The following TUBE1 variants were observed in gnomAD, a reference collection of about 807,000 sequenced individuals.
The protein encoded by TUBE1 is tubulin epsilon chain.
A neutral mutation model predicts 53.5 loss-of-function variants in TUBE1; 34 were observed. That is an observed-to-expected ratio of 0.64 (90% CI 0.48 to 0.85). The LOEUF is 0.85. TUBE1 is among the 40% of genes least tolerant of loss of function. The pLI is 0.00. For synonymous variants in TUBE1, 177 were observed against 198.4 expected, an observed-to-expected ratio of 0.89 and a Z score of 0.91; for missense variants, 532 against 570.5, an observed-to-expected ratio of 0.93 and a Z score of 0.69.
At chr6:112,085,475 A>G (rs1278449332) in intron 3 of TUBE1, 1 of 335,942 alleles carries the variant, frequency 3.0e-6, no homozygotes, top group Non-Finnish European at 5.9e-6. Context: ...AGCGTTGGGT[A>G]ACAAGAAGTA....
chr6:112,082,937 G>C (rs1777093375), intron 4 of TUBE1, among the ~76,000 whole-genome samples: 1 of 152,096 alleles, frequency 6.6e-6, no homozygotes, highest in African/African-American at 2.4e-5. Context: ...AAATGGAAGA[G>C]TACCTTCTCG....
rs1562601683 is a variant in TUBE1 at position 112,072,084 on chromosome 6, T to A, written c.1095-8A>T. 3 of 1,302,778 alleles carry A rather than the reference T, an allele frequency of 2.3e-6. No individual in the cohort carries two copies. Among genetic ancestry groups the A allele is most frequent in the Admixed American group, 2.5e-5 (1 of 40,216 alleles). 80.7% of individuals were successfully genotyped at this position (1,302,778 alleles called of 1,614,324 possible). A position where few individuals can be genotyped will look rare whatever the true frequency, so the allele number is the denominator to read the frequency against. On this transcript the variant is annotated splice_polypyrimidine_tract_variant and splice_region_variant and intron_variant, in intron 10 of 11. Coordinates refer to ENST00000368662, the MANE Select transcript of TUBE1 (RefSeq NM_016262.5). Reference sequence around the variant, plus strand: ...TGTAGAGATGGTTTTAATCTGAGATTAAAAAAAAAAATCTCAGAAGGTGAG... The same window carrying A: ...TGTAGAGATGGTTTTAATCTGAGATAAAAAAAAAAAATCTCAGAAGGTGAG...
chr6:112,079,468 C>A (rs1178545229), intron 6 of TUBE1, 165 bp downstream of exon 6: 8 of 502,514 alleles, frequency 1.6e-5, no homozygotes, highest in South Asian at 1.6e-4. Flanking sequence ...CATAATTCCA[C>A]AAAATTTTAA....
rs782541513 is a variant in TUBE1, at chr6:112,071,537, T to C, written c.1303A>G (p.Met435Val). ...HLHHYLQVEG[M>V]EESCFTEAVS... ...GCTTCTGTGAAACAGCTTTCTTCCA[T>C]CCCTTCAACTTGTAGATAGTGATGA... Residue 435 changes from methionine to valine, a missense_variant, in exon 12 of 12, where the codon ATG becomes GTG. Met to Val is a conservative substitution (Grantham distance 21). Transcript: ENST00000368662. The C allele has an allele frequency of 1.9e-6, 3 of 1,611,788 alleles. No individual in the cohort carries two copies. In the South Asian group the frequency reaches 3.3e-5, roughly 18 times the overall value.
intron 5 of TUBE1, among the ~76,000 whole-genome samples, chr6:112,080,378 AC>A (rs1777051367): frequency 6.6e-6 from 1 of 152,114 alleles, no homozygotes; most frequent in Non-Finnish European, 1.5e-5. Flanking sequence ...CTCAAAAGTT[AC>A]ATAATAAGTT....
Position 112,076,518 on chromosome 6 carries a change from T to C in TUBE1, c.449-9A>G. The stretch of plus-strand genomic sequence containing the variant: ...AAGTCCAGATCCTGTTCCTGAGGAT[T>C]AAAGTGTTTTTAAAAATTAGCATAA... On this transcript the variant is annotated splice_polypyrimidine_tract_variant and intron_variant, in intron 6 of 11. Coordinates refer to ENST00000368662, the MANE Select transcript of TUBE1 (RefSeq NM_016262.5). 6.4e-7 allele frequency: 1 copy of C among 1,564,480 alleles called. No individual in the cohort carries two copies. Among genetic ancestry groups the C allele is most frequent in the Non-Finnish European group, 8.6e-7 (1 of 1,158,234 alleles).
chr6:112,085,136 T>C (rs1296017316), intron 3 of TUBE1, among the ~76,000 whole-genome samples: 1 of 152,204 alleles, frequency 6.6e-6, no homozygotes. Context: ...ACAGAAAATA[T>C]ATGCATGCCA....
chr6:112,079,421 TA>T (rs60207053), intron 6 of TUBE1: 43,121 of 306,748 alleles, frequency 0.14, 105 homozygotes, highest in East Asian at 0.2. Context: ...GGGCTTACAT[TA>T]AAAAAAAAAA....
intron 9 of TUBE1, 74 bp from the exon 10 acceptor site, chr6:112,072,972 T>C (rs1323860748): frequency 5.5e-6 from 8 of 1,451,636 alleles, no homozygotes; most frequent in Non-Finnish European, 7.5e-6. Flanking sequence ...ATGAAGATAG[T>C]CCTCTATAAG....
At chr6:112,086,225 C>G (rs974763422) in intron 3 of TUBE1, among the ~76,000 whole-genome samples, 1 of 152,142 alleles carries the variant, frequency 6.6e-6, no homozygotes, top group South Asian at 2.1e-4. Context: ...TTTATACTTA[C>G]AGCATATATG....
At chr6:112,086,890 C>G (rs1351475889) in intron 2 of TUBE1, 7 of 488,252 alleles carry the variant, frequency 1.4e-5, no homozygotes, top group African/African-American at 1.4e-4. Context: ...TCTTCGTAAT[C>G]TTTTTAAAAG....
chr6:112,086,219 T>C (rs1405989112), intron 3 of TUBE1, among the ~76,000 whole-genome samples: 1 of 152,244 alleles, frequency 6.6e-6, no homozygotes, highest in African/African-American at 2.4e-5. Flanking sequence ...TATATTTTTA[T>C]ACTTACAGCA....
rs1448829605 is a variant in TUBE1, at chr6:112,087,481, C to T, written c.-47G>A. Reference sequence around the variant, plus strand: ...GGAGCTTGCTAGCCCGCGGCCGCTTCTGCATTCCCCCAGCAACGGCGCTCT... The same window carrying T: ...GGAGCTTGCTAGCCCGCGGCCGCTTTTGCATTCCCCCAGCAACGGCGCTCT... On this transcript the variant is annotated 5_prime_UTR_variant, in exon 1 of 12. Coordinates refer to ENST00000368662, the MANE Select transcript of TUBE1 (RefSeq NM_016262.5). 5 of 1,545,714 alleles carry T rather than the reference C, an allele frequency of 3.2e-6. No homozygotes were observed. Among genetic ancestry groups the T allele is most frequent in the Non-Finnish European group, 4.4e-6 (5 of 1,144,448 alleles).
chr6:112,082,009 T>C (rs1393460099), intron 4 of TUBE1, among the ~76,000 whole-genome samples: 1 of 151,996 alleles, frequency 6.6e-6, no homozygotes, highest in Non-Finnish European at 1.5e-5. Context: ...CACTAAACAA[T>C]GATTTGTTAA....
chr6:112,074,850 G>A lies in TUBE1; in HGVS notation c.813C>T (p.Ser271=), dbSNP rs1554315806. The part of the protein sequence containing the change: ...IVANLLLNLT[S]SARFEGSLNM... Reference sequence around the variant, plus strand: ...TAAGGGACCCTTCAAATCTTGCAGAGCTAAAAAGTTAACATTAAAATGAGA... The same window carrying A: ...TAAGGGACCCTTCAAATCTTGCAGAACTAAAAAGTTAACATTAAAATGAGA... The change falls in exon 9 of 12, where the codon AGC becomes AGT. Residue 271 remains serine, a splice_region_variant and synonymous_variant. Coordinates refer to ENST00000368662, the MANE Select transcript of TUBE1 (RefSeq NM_016262.5). 6.4e-7 allele frequency: 1 copy of A among 1,564,416 alleles called. No individual in the cohort carries two copies. The highest frequency in any genetic ancestry group is 2.1e-5 in the Admixed American group (1 of 48,162).
chr6:112,085,826 A>T (rs1777144081), intron 3 of TUBE1: 2 of 394,834 alleles, frequency 5.1e-6, no homozygotes, highest in South Asian at 3.8e-5. Context: ...CACTGAACCC[A>T]TCTCGAGATG....
rs781833721 is a variant in TUBE1 at position 112,075,064 on chromosome 6, C to CTTTTTTTTTTTTT, written c.813-215_813-214insAAAAAAAAAAAAA. On this transcript the variant is annotated intron_variant, in intron 8 of 11. Coordinates refer to ENST00000368662, the MANE Select transcript of TUBE1 (RefSeq NM_016262.5). ...CACACAACATCTACATTTTTTTTTT[C>CTTTTTTTTTTTTT]TTTCTTTTTTTTTTTTTTTTGAGAC... 24 of 164,814 alleles carry CTTTTTTTTTTTTT rather than the reference C, an allele frequency of 1.5e-4. 3 individuals are homozygous for CTTTTTTTTTTTTT. The highest frequency in any genetic ancestry group is 4.0e-4 in the Admixed American group (5 of 12,644). 10.2% of individuals were successfully genotyped at this position (164,814 alleles called of 1,614,324 possible).
Position 112,081,212 on chromosome 6 carries a change from G to A in TUBE1, c.211-5C>T. 6.7e-7 allele frequency: 1 copy of A among 1,489,462 alleles called. No individual in the cohort carries two copies. Among genetic ancestry groups the A allele is most frequent in the Non-Finnish European group, 9.2e-7 (1 of 1,082,878 alleles). The allele number at this position is 1,489,462 out of a possible 1,614,324, so 92.3% of individuals were successfully genotyped here. ...TTCCATATCAATCAAGACTGCCTGA[G>A]AAAGAAAAATAAAATATAATTAATG... On this transcript the variant is annotated splice_polypyrimidine_tract_variant and splice_region_variant and intron_variant, in intron 4 of 11. Coordinates refer to ENST00000368662, the MANE Select transcript of TUBE1 (RefSeq NM_016262.5).
At position 112,071,310 on chromosome 6, in the gene TUBE1, A is replaced by C. The variant is rs587755111; in HGVS notation, c.*102T>G. On this transcript the variant is annotated 3_prime_UTR_variant, in exon 12 of 12. Transcript: ENST00000368662. ...CTCTTTTAGACAAAAATATTTCCCG[A>C]TAATATGAAAAAACTGGAGTTTCCA... The C allele has an allele frequency of 3.5e-6, 4 of 1,158,332 alleles. No individual in the cohort carries two copies. The South Asian group carries it at 1.1e-4, about 31-fold the overall frequency. 71.8% of individuals were successfully genotyped at this position (1,158,332 alleles called of 1,614,324 possible). A position where few individuals can be genotyped will look rare whatever the true frequency, so the allele number is the denominator to read the frequency against.
Sources: gnomAD v4.1 joint callset for allele counts (sites outside exome capture counted in the v4.1 genomes callset) on GRCh38, gnomAD v4.1.1 for gene constraint, MANE v1.5 for transcripts, NCBI Gene and HGNC (gene_info 2026-07-23, HGNC 2026-07-21) for gene names.